Variants in IRAK3 observed in about 807,000 individuals in gnomAD.
The protein encoded by IRAK3 is interleukin 1 receptor associated kinase 3, also known as interleukin-1 receptor-associated kinase 3.
In IRAK3, 57 loss-of-function variants were observed where a neutral mutation model predicts 56.6. The observed-to-expected ratio is 1.01, with a 90% CI of 0.81 to 1.26. IRAK3 has a LOEUF of 1.26. Ranked by LOEUF, IRAK3 falls within the 50% of genes most tolerant of loss-of-function variation. The pLI is 0.00. For missense variants in IRAK3, 703 were observed against 719.0 expected (o/e 0.98, Z 0.25); for synonymous variants, 258 against 255.7 (o/e 1.01, Z -0.09).
intron 5 of IRAK3, among the ~76,000 whole-genome samples, chr12:66,213,509 G>A (rs548241956): frequency 6.6e-6 from 1 of 152,208 alleles, no homozygotes; most frequent in East Asian, 1.9e-4. Flanking sequence ...ATGATTTTTA[G>A]GGCAGTGAAA....
intron 2 of IRAK3, among the ~76,000 whole-genome samples, chr12:66,204,687 T>C (rs528010262): frequency 1.3e-4 from 20 of 152,302 alleles, no homozygotes; most frequent in African/African-American, 4.3e-4. Context: ...AACATCTTTA[T>C]TCTTTGGCTC....
chr12:66,194,374 C>G (rs912646426), intron 1 of IRAK3, among the ~76,000 whole-genome samples: 1 of 152,094 alleles, frequency 6.6e-6, no homozygotes, highest in Admixed American at 6.5e-5. Flanking sequence ...TCCTTGAACC[C>G]CTCCAGTCAG....
chr12:66,248,168 A>G lies in IRAK3; in HGVS notation c.1788A>G (p.Glu596=). Residue 596 remains glutamate, a synonymous_variant, in exon 12 of 12, where the codon GAA becomes GAG. Transcript: ENST00000261233. ...SWDEYEQYKK[E] ...ATGAATATGAACAGTACAAAAAAGA[A>G]TAAATTCTACCAGAAGATAAAGAAA... is the stretch of plus-strand genomic sequence containing the variant. 1 of 1,610,102 alleles carries G rather than the reference A, an allele frequency of 6.2e-7. No homozygotes were observed.
intron 5 of IRAK3, among the ~76,000 whole-genome samples, chr12:66,213,616 GTAA>G (rs1347675222): frequency 1.3e-5 from 2 of 151,962 alleles, no homozygotes; most frequent in Admixed American, 6.6e-5. Context: ...GTAAACTACG[GTAA>G]TAATGATATG....
intron 1 of IRAK3, among the ~76,000 whole-genome samples, chr12:66,201,361 G>A (rs1418404412): frequency 6.6e-6 from 1 of 152,138 alleles, no homozygotes; most frequent in East Asian, 1.9e-4. Flanking sequence ...GGGGTCCCCC[G>A]TGACCACCTT....
At chr12:66,190,814 G>GAAA (rs1463562706) in intron 1 of IRAK3, among the ~76,000 whole-genome samples, 3 of 152,154 alleles carry the variant, frequency 2.0e-5, no homozygotes, top group African/African-American at 7.2e-5. Flanking sequence ...GCCAGGATCT[G>GAAA]AACCATGGTA....
At chr12:66,228,898 C>T (rs1468807734) in intron 8 of IRAK3, among the ~76,000 whole-genome samples, 1 of 152,150 alleles carries the variant, frequency 6.6e-6, no homozygotes, top group East Asian at 1.9e-4. Context: ...CTGGGCTAAG[C>T]TGGGATGTTC....
chr12:66,210,262 A>C, intron 4 of IRAK3, 61 bp downstream of exon 4: 2 of 941,526 alleles, frequency 2.1e-6, no homozygotes, highest in Middle Eastern at 2.2e-4. Flanking sequence ...ATTTAAGTGA[A>C]TTAAGAGGGA....
At chr12:66,215,955 A>G (rs998071378) in intron 5 of IRAK3, among the ~76,000 whole-genome samples, 2 of 152,212 alleles carry the variant, frequency 1.3e-5, no homozygotes, top group African/African-American at 4.8e-5. Flanking sequence ...GGGAAATTGT[A>G]CTAGGTGTGT....
intron 1 of IRAK3, chr12:66,197,366 A>G (rs1440069915): frequency 1.0e-6 from 1 of 1,000,108 alleles, no homozygotes; most frequent in Non-Finnish European, 1.2e-6. Context: ...GAAAATGATA[A>G]ATATTGAAGA....
chr12:66,243,991 C>T (rs1386760857), intron 8 of IRAK3, among the ~76,000 whole-genome samples: 2 of 152,192 alleles, frequency 1.3e-5, no homozygotes, highest in East Asian at 3.8e-4. Flanking sequence ...GAGATGAAAC[C>T]ATGGGATAGG....
At chr12:66,230,905 G>A (rs1317852167) in intron 8 of IRAK3, among the ~76,000 whole-genome samples, 4 of 152,172 alleles carry the variant, frequency 2.6e-5, no homozygotes, top group Admixed American at 6.5e-5. Flanking sequence ...CTTAAAATGC[G>A]ATTCTGAGCA....
chr12:66,221,088 T>G (rs1181282909), intron 6 of IRAK3, among the ~76,000 whole-genome samples: 1 of 152,208 alleles, frequency 6.6e-6, no homozygotes, highest in Non-Finnish European at 1.5e-5. Flanking sequence ...TTTCACCTCC[T>G]TGGTTAAATT....
chr12:66,215,837 G>C (rs1565804083), intron 5 of IRAK3, among the ~76,000 whole-genome samples: 2 of 136,706 alleles, frequency 1.5e-5, no homozygotes, highest in South Asian at 4.4e-4. Context: ...CACTTATCAG[G>C]AAAAAATGAG....
intron 8 of IRAK3, among the ~76,000 whole-genome samples, chr12:66,236,006 TA>T: frequency 6.6e-6 from 1 of 152,366 alleles, no homozygotes; most frequent in South Asian, 2.1e-4. Flanking sequence ...CTCAAGTTAC[TA>T]AATGAAATCC....
intron 5 of IRAK3, among the ~76,000 whole-genome samples, chr12:66,215,792 A>ACGCGCGCGCGCG (rs1426815796): frequency 2.3e-5 from 2 of 85,788 alleles, no homozygotes; most frequent in African/African-American, 6.5e-5. Flanking sequence ...ACATGCACAC[A>ACGCGCGCGCGCG]CACACACACA....
intron 1 of IRAK3, chr12:66,197,375 G>T: frequency 1.0e-6 from 1 of 996,522 alleles, no homozygotes. Context: ...AAATATTGAA[G>T]AATGTAATTA....
In IRAK3 at chr12:66,244,639, A is replaced by G; in HGVS notation, c.1041A>G (p.Arg347=). 1 of 1,614,154 alleles carries G rather than the reference A, an allele frequency of 6.2e-7. No individual in the cohort carries two copies. Among genetic ancestry groups the G allele is most frequent in the South Asian group, 1.1e-5 (1 of 91,074 alleles). ...GGTACATGCCAGAAGAGTACATCAG[A>G]CAGGGGAAACTTTCCATTAAAACAG... ...HLWYMPEEYI[R]QGKLSIKTDV... Residue 347 remains arginine (R), a synonymous_variant, in exon 9 of 12, where the codon AGA becomes AGG. Transcript: ENST00000261233.
intron 3 of IRAK3, among the ~76,000 whole-genome samples, chr12:66,209,816 T>A (rs191653114): frequency 3.3e-5 from 5 of 152,320 alleles, no homozygotes; most frequent in Admixed American, 2.6e-4. Context: ...TTAATTTTCC[T>A]TTTTTGGTTG....
Sources: gnomAD v4.1 joint callset for allele counts (sites outside exome capture counted in the v4.1 genomes callset) on GRCh38, gnomAD v4.1.1 for gene constraint, MANE v1.5 for transcripts, NCBI Gene and HGNC (gene_info 2026-07-23, HGNC 2026-07-21) for gene names.